SS18: variants seen among roughly 807,000 people sequenced by gnomAD.
SS18 encodes the protein protein SSXT.
In SS18, 28 loss-of-function variants were observed where a neutral mutation model predicts 72.5. The observed-to-expected ratio is 0.39, with a 90% confidence interval of 0.29 to 0.53. The LOEUF is 0.53. SS18 is among the 20% of genes least tolerant of loss of function. The pLI, the probability that SS18 is intolerant of heterozygous loss-of-function variation, is 0.76. For missense variants in SS18, 518 were observed against 535.3 expected (o/e 0.97, Z 0.32); for synonymous variants, 172 against 164.2 (o/e 1.05, Z -0.37).
At chr18:26,023,355 A>T (rs2053386292) in intron 10 of SS18, among the ~76,000 whole-genome samples, 1 of 152,214 alleles carries the variant, frequency 6.6e-6, no homozygotes, top group South Asian at 2.1e-4. Flanking sequence ...GTCTGAGATA[A>T]CACTCAACAA....
intron 3 of SS18, among the ~76,000 whole-genome samples, chr18:26,072,054 T>G (rs560558093): frequency 6.6e-6 from 1 of 151,992 alleles, no homozygotes; most frequent in Non-Finnish European, 1.5e-5. Flanking sequence ...GATGATCTAA[T>G]GAACACTGAC....
intron 2 of SS18, 142 bp downstream of exon 2, chr18:26,087,359 A>G (rs1302886005): frequency 1.7e-6 from 1 of 572,180 alleles, no homozygotes; most frequent in Non-Finnish European, 3.1e-6. Context: ...CTATGAATAT[A>G]CTAAAAAACA....
At chr18:26,065,802 T>TATATATATATATATATATAC (rs2054203612) in intron 3 of SS18, among the ~76,000 whole-genome samples, 2 of 106,948 alleles carry the variant, frequency 1.9e-5, no homozygotes, top group South Asian at 3.1e-4. Flanking sequence ...TACAAATCCA[T>TATATATATATATATATATAC]ATATATATAT....
At chr18:26,027,671 TAAAAAAAAA>T (rs68048813) in intron 10 of SS18, among the ~76,000 whole-genome samples, 10 of 27,290 alleles carry the variant, frequency 3.7e-4, no homozygotes, top group African/African-American at 9.7e-4. Flanking sequence ...GAGACTCATC[TAAAAAAAAA>T]AAAAAAAAAA....
intron 5 of SS18, among the ~76,000 whole-genome samples, chr18:26,042,283 A>C (rs1386328671): frequency 6.6e-6 from 1 of 152,222 alleles, no homozygotes. Flanking sequence ...TCTGCAAACA[A>C]TGGTATCATA....
chr18:26,048,770 TG>T (rs1199568040), intron 5 of SS18, among the ~76,000 whole-genome samples: 6 of 152,202 alleles, frequency 3.9e-5, no homozygotes, highest in African/African-American at 1.4e-4. Context: ...CTTAGCCACG[TG>T]AATCAACACT....
At position 26,045,439 on chromosome 18, in the gene SS18, C is replaced by T. The variant is rs567080445; in HGVS notation, c.608-5983G>A. ...CACACCAAGTATGCTCCAGTGCATA[C>T]TTGCTGTTCCATCTGCCTGTGCCAC... On this transcript the variant is annotated intron_variant, in intron 5 of 10. Coordinates refer to ENST00000415083, the MANE Select transcript of SS18 (RefSeq NM_001007559.3). 2.0e-5 allele frequency among the ~76,000 whole-genome samples: 3 copies of T among 152,304 alleles called. No homozygotes were observed. In the South Asian group the frequency reaches 6.2e-4, roughly 32 times the overall value.
intron 3 of SS18, among the ~76,000 whole-genome samples, chr18:26,075,723 C>T (rs1256603515): frequency 1.3e-5 from 2 of 151,882 alleles, no homozygotes; most frequent in African/African-American, 4.8e-5. Flanking sequence ...TAATGGAGGT[C>T]ATAGCCAGAG....
chr18:26,086,404 G>A (rs1227779292), intron 2 of SS18, among the ~76,000 whole-genome samples: 3 of 152,104 alleles, frequency 2.0e-5, no homozygotes, highest in Admixed American at 2.0e-4. Context: ...AGGTTTCCAA[G>A]ATTTAGAACA....
At chr18:26,039,154 A>AC in intron 6 of SS18, 135 bp downstream of exon 6, 1 of 746,002 alleles carries the variant, frequency 1.3e-6, no homozygotes, top group Non-Finnish European at 2.0e-6. Flanking sequence ...ACTTACTAGA[A>AC]CCCTACCTTT....
At chr18:26,059,608 T>C (rs371618964) in intron 3 of SS18, among the ~76,000 whole-genome samples, 58 of 152,282 alleles carry the variant, frequency 3.8e-4, no homozygotes, top group African/African-American at 1.3e-3. Context: ...CTGTTGAGAC[T>C]ACAGAAGGGC....
At chr18:26,087,894 G>A (rs1280224382) in intron 1 of SS18, among the ~76,000 whole-genome samples, 2 of 152,090 alleles carry the variant, frequency 1.3e-5, no homozygotes, top group Non-Finnish European at 2.9e-5. Flanking sequence ...CAGCTCTCTT[G>A]CATAAAATTT....
intron 3 of SS18, among the ~76,000 whole-genome samples, chr18:26,064,287 C>T (rs1275701221): frequency 6.6e-6 from 1 of 152,052 alleles, no homozygotes; most frequent in Non-Finnish European, 1.5e-5. Flanking sequence ...GGCATCAGTT[C>T]CCAATTCTTT....
chr18:26,037,869 G>A (rs1341932304), intron 7 of SS18, among the ~76,000 whole-genome samples: 1 of 151,916 alleles, frequency 6.6e-6, no homozygotes, highest in Non-Finnish European at 1.5e-5. Flanking sequence ...TTGTATGCTT[G>A]GATTATTGCT....
chr18:26,067,519 C>A (rs1460870793), intron 3 of SS18, among the ~76,000 whole-genome samples: 1 of 152,142 alleles, frequency 6.6e-6, no homozygotes, highest in East Asian at 1.9e-4. Flanking sequence ...CTATTGGAAG[C>A]TGGATTCATG....
chr18:26,066,600 G>GCGCACACACACA (rs148515889), intron 3 of SS18, among the ~76,000 whole-genome samples: 6 of 144,434 alleles, frequency 4.2e-5, no homozygotes, highest in Admixed American at 2.1e-4. Flanking sequence ...GGAAATTTGT[G>GCGCACACACACA]CACACACACA....
chr18:26,038,812 A>G (rs181859383), intron 6 of SS18, among the ~76,000 whole-genome samples, 153 bp from the exon 7 acceptor site: 199 of 152,308 alleles, frequency 1.3e-3, no homozygotes, highest in South Asian at 4.4e-3. Flanking sequence ...ATTCATATAC[A>G]TATGCATACA....
At chr18:26,090,937 C>T (rs951270371), upstream of SS18, 52 of 314,090 alleles carry the variant, frequency 1.7e-4, no homozygotes, top group Non-Finnish European at 2.4e-4. Flanking sequence ...GAGGCTGGGG[C>T]AGCCCCTGTC....
At position 26,035,305 on chromosome 18, in the gene SS18, T is replaced by G. The variant is rs1041942546; in HGVS notation, c.974-178A>C. On this transcript the variant is annotated intron_variant, in intron 8 of 10. Coordinates refer to ENST00000415083, the MANE Select transcript of SS18 (RefSeq NM_001007559.3). This position sits in a 1 kb window ranked among gnomAD's most constrained non-coding sequence, Gnocchi z 4.4. ...ACAGAAGGATTTCGGCCAAACAAAC[T>G]GCAGTTAAAGCCAATTTTGCAAGGT... The G allele has an allele frequency of 1.9e-5, 15 of 800,258 alleles. No individual in the cohort carries two copies. Among genetic ancestry groups the G allele is most frequent in the Non-Finnish European group, 2.8e-5 (15 of 541,128 alleles). The allele number at this position is 800,258 out of a possible 1,614,324, so 49.6% of individuals were successfully genotyped here.
Sources: allele counts gnomAD v4.1 joint callset (sites outside exome capture counted in the v4.1 genomes callset), GRCh38; gene constraint gnomAD v4.1.1; non-coding constraint Gnocchi (gnomAD v3.1); transcripts MANE v1.5; gene names NCBI Gene and HGNC (gene_info 2026-07-23, HGNC 2026-07-21).